BMPR2: variants seen among roughly 807,000 people sequenced by gnomAD.
The protein encoded by BMPR2 is bone morphogenetic protein receptor type 2, also known as bone morphogenetic protein receptor type-2.
In BMPR2, 29 loss-of-function variants were observed where a neutral mutation model predicts 100.8. The observed-to-expected ratio is 0.29, with a 90% CI of 0.21 to 0.39. BMPR2 has a LOEUF of 0.39. BMPR2 is among the 10% of genes least tolerant of loss of function. The probability of loss-of-function intolerance (pLI) is 1.00; values close to 1 mark genes in which losing one functional copy is unlikely to be tolerated. For synonymous variants in BMPR2, 382 were observed against 442.3 expected (o/e 0.86, Z 1.71); for missense variants, 1,011 against 1,274.5 (o/e 0.79, Z 3.15).
intron 10 of BMPR2, among the ~76,000 whole-genome samples, chr2:202,550,504 C>T (rs1472539216): frequency 6.6e-6 from 1 of 152,090 alleles, no homozygotes; most frequent in Non-Finnish European, 1.5e-5. Flanking sequence ...AGGCATGAGC[C>T]ACCATGCCTA....
chr2:202,444,775 A>G (rs1691817975), intron 1 of BMPR2, among the ~76,000 whole-genome samples: 1 of 150,710 alleles, frequency 6.6e-6, no homozygotes, highest in Non-Finnish European at 1.5e-5. Context: ...TAATCTTCTC[A>G]GTGAATTAGA....
chr2:202,402,050 A>G (rs1300290530), intron 1 of BMPR2, among the ~76,000 whole-genome samples: 2 of 152,236 alleles, frequency 1.3e-5, no homozygotes, highest in Non-Finnish European at 2.9e-5. Context: ...TGCTTCATTA[A>G]GCTAATGCTG....
At chr2:202,523,136 C>G (rs147217131) in intron 7 of BMPR2, among the ~76,000 whole-genome samples, 22 of 152,266 alleles carry the variant, frequency 1.4e-4, no homozygotes, top group African/African-American at 5.3e-4. Context: ...AAAAAATGCT[C>G]CATATCACTA....
At chr2:202,432,748 G>A (rs1197968630) in intron 1 of BMPR2, among the ~76,000 whole-genome samples, 1 of 150,490 alleles carries the variant, frequency 6.6e-6, no homozygotes, top group Admixed American at 6.6e-5. Context: ...AGGTACATCT[G>A]TTCTGTTTCT....
intron 1 of BMPR2, among the ~76,000 whole-genome samples, chr2:202,410,231 CG>C (rs779261601): frequency 6.6e-6 from 1 of 151,972 alleles, no homozygotes; most frequent in Non-Finnish European, 1.5e-5. Context: ...GTGATCCGCC[CG>C]CCTCGGCTTC....
chr2:202,451,123 T>C (rs1281476581), intron 1 of BMPR2, among the ~76,000 whole-genome samples: 2 of 152,116 alleles, frequency 1.3e-5, no homozygotes, highest in East Asian at 3.8e-4. Flanking sequence ...TACTGAAAAA[T>C]GGGTGTTATG....
At chr2:202,524,088 C>A (rs964240869) in intron 7 of BMPR2, among the ~76,000 whole-genome samples, 1 of 151,832 alleles carries the variant, frequency 6.6e-6, no homozygotes, top group Non-Finnish European at 1.5e-5. Flanking sequence ...TGGGGCCGGA[C>A]GCGGTGGCTC....
At chr2:202,439,348 AT>A (rs1691683752) in intron 1 of BMPR2, among the ~76,000 whole-genome samples, 1 of 147,782 alleles carries the variant, frequency 6.8e-6, no homozygotes, top group African/African-American at 2.6e-5. Context: ...AGCTCTAGTA[AT>A]TTTTTTGTAG....
At chr2:202,388,260 G>C (rs1466300472) in intron 1 of BMPR2, among the ~76,000 whole-genome samples, 1 of 151,728 alleles carries the variant, frequency 6.6e-6, no homozygotes, top group Non-Finnish European at 1.5e-5. Context: ...AGCTGGGTGT[G>C]GTGGTGCATG....
chr2:202,467,065 G>T, intron 2 of BMPR2: 1 of 225,980 alleles, frequency 4.4e-6, no homozygotes, highest in Non-Finnish European at 8.7e-6. Flanking sequence ...GTTTGAGACC[G>T]GCCTGACCAA....
chr2:202,402,626 A>C (rs1182281626), intron 1 of BMPR2, among the ~76,000 whole-genome samples: 1 of 151,812 alleles, frequency 6.6e-6, no homozygotes, highest in Non-Finnish European at 1.5e-5. Context: ...AATAAGAAAC[A>C]ATACTGATAG....
At chr2:202,510,608 T>C (rs1687602289) in intron 3 of BMPR2, among the ~76,000 whole-genome samples, 2 of 152,212 alleles carry the variant, frequency 1.3e-5, no homozygotes, top group African/African-American at 4.8e-5. Flanking sequence ...TGTGTATGTG[T>C]ATGTATTGAA....
chr2:202,436,559 T>G (rs897935634), intron 1 of BMPR2, among the ~76,000 whole-genome samples: 4 of 150,878 alleles, frequency 2.7e-5, no homozygotes, highest in Non-Finnish European at 5.9e-5. Context: ...TCTAAGCTTT[T>G]TAAATTGAAA....
intron 1 of BMPR2, among the ~76,000 whole-genome samples, chr2:202,406,774 C>T (rs1292405349): frequency 6.6e-6 from 1 of 152,126 alleles, no homozygotes; most frequent in Non-Finnish European, 1.5e-5. Context: ...AAGTGTTTCA[C>T]TTGGTTGCTA....
Position 202,556,347 on chromosome 2 carries a change from A to C in BMPR2, c.2682A>C (p.Pro894=). The C allele has an allele frequency of 6.2e-7, 1 of 1,614,214 alleles. No homozygotes were observed. Among genetic ancestry groups the C allele is most frequent in the Non-Finnish European group, 8.5e-7 (1 of 1,180,042 alleles). ...LDRLVDRRER[P]LEGGRTNSNN... ...GTCTTGTGGACAGGAGGGAACGGCC[A>C]CTAGAAGGTGGCCGAACTAATTCCA... Residue 894 remains proline, a synonymous_variant, in exon 12 of 13, where the codon CCA becomes CCC. Transcript: ENST00000374580.
chr2:202,412,292 T>G (rs190015222), intron 1 of BMPR2, among the ~76,000 whole-genome samples: 221 of 152,216 alleles, frequency 1.5e-3, no homozygotes, highest in Non-Finnish European at 2.4e-3. Context: ...ATCACCAAAA[T>G]CTATCAATAA....
intron 3 of BMPR2, among the ~76,000 whole-genome samples, chr2:202,501,758 C>A (rs1282680496): frequency 1.3e-5 from 2 of 152,176 alleles, no homozygotes; most frequent in East Asian, 3.8e-4. Flanking sequence ...ACTTAGATAC[C>A]AGGCACTACT....
At chr2:202,409,980 ATTTCT>A (rs1028403924) in intron 1 of BMPR2, among the ~76,000 whole-genome samples, 1 of 151,004 alleles carries the variant, frequency 6.6e-6, no homozygotes, top group Non-Finnish European at 1.5e-5. Context: ...CCAGATCTTG[ATTTCT>A]TTTCTTTTTC....
chr2:202,435,312 T>C (rs895309336), intron 1 of BMPR2, among the ~76,000 whole-genome samples: 5 of 142,260 alleles, frequency 3.5e-5, no homozygotes, highest in Non-Finnish European at 6.0e-5. Context: ...TGCAGTGAGC[T>C]GAGATCATGC....
Sources: gnomAD v4.1 joint callset for allele counts (sites outside exome capture counted in the v4.1 genomes callset) on GRCh38, gnomAD v4.1.1 for gene constraint, MANE v1.5 for transcripts, NCBI Gene and HGNC (gene_info 2026-07-23, HGNC 2026-07-21) for gene names.